SSB: variants seen among roughly 807,000 people sequenced by gnomAD.
SSB encodes the protein small RNA binding exonuclease protection factor La.
SSB carries 17 observed loss-of-function variants against 52.9 expected under a neutral mutation model. The observed-to-expected ratio is 0.32, with a 90% CI of 0.22 to 0.48. The LOEUF is 0.48. Ranked by LOEUF, SSB falls within the 20% of genes least tolerant of loss-of-function variation. The pLI is 0.99. For synonymous variants in SSB, 111 were observed against 152.1 expected (o/e 0.73, Z 1.99); for missense variants, 314 against 463.6 (o/e 0.68, Z 2.96).
At chr2:169,805,598 A>C in intron 3 of SSB, 21 bp downstream of exon 3, 1 of 1,612,522 alleles carries the variant, frequency 6.2e-7, no homozygotes, top group Non-Finnish European at 8.5e-7. Context: ...TTTAAAAATA[A>C]TCTTTAGGTT....
rs141623414 is a variant in SSB at position 169,805,734 on chromosome 2, G to C, written c.240G>C (p.Met80Ile). The change falls in exon 4 of 12, where the codon ATG becomes ATC. Residue 80 changes from methionine (M) to isoleucine (I), a missense_variant. Met to Ile is a conservative substitution (Grantham distance 10). Coordinates refer to ENST00000260956, the MANE Select transcript of SSB (RefSeq NM_003142.5). The stretch of plus-strand genomic sequence containing the variant: ...TGAGCAAATCCAAGGCAGAACTCAT[G>C]GAAATCAGTGAAGATAAAACTAAAA... ...EALSKSKAEL[M>I]EISEDKTKIR... The C allele has an allele frequency of 3.5e-5, 56 of 1,613,934 alleles. No homozygotes were observed. Among genetic ancestry groups the C allele is most frequent in the Non-Finnish European group, 4.3e-5 (51 of 1,180,020 alleles).
chr2:169,809,084 C>G, intron 8 of SSB, 182 bp downstream of exon 8: 1 of 637,334 alleles, frequency 1.6e-6, no homozygotes, highest in Non-Finnish European at 2.9e-6. Context: ...GAAATATGTT[C>G]TAAAATATGG....
Position 169,810,202 on chromosome 2 carries a change from A to G in SSB, c.670-81A>G, listed in dbSNP as rs573601694. The G allele has an allele frequency of 8.2e-6, 8 of 975,100 alleles. No individual in the cohort carries two copies. The East Asian group carries it at 2.4e-4, about 29-fold the overall frequency. 60.4% of individuals were successfully genotyped at this position (975,100 alleles called of 1,614,324 possible). On this transcript the variant is annotated intron_variant, in intron 8 of 11. Transcript: ENST00000260956. ...TTTTGGTTTCTAGTCTTTTTCTTGT[A>G]TAGCTATAAGGTGGTGTGAGTCATT... is the stretch of plus-strand genomic sequence containing the variant.
chr2:169,810,234 CTGT>C (rs769871762), intron 8 of SSB, 46 bp from the exon 9 acceptor site: 1 of 1,459,992 alleles, frequency 6.8e-7, no homozygotes, highest in Non-Finnish European at 9.3e-7. Context: ...CATTTCTGGT[CTGT>C]TGTTGCTTTT....
chr2:169,810,381 T>C lies in SSB; in HGVS notation c.768T>C (p.His256=). 6.2e-7 allele frequency: 1 copy of C among 1,610,214 alleles called. No homozygotes were observed. Among genetic ancestry groups the C allele is most frequent in the East Asian group, 2.2e-5 (1 of 44,620 alleles). Residue 256 remains histidine, a synonymous_variant, in exon 9 of 12, where the codon CAT becomes CAC. Coordinates refer to ENST00000260956, the MANE Select transcript of SSB (RefSeq NM_003142.5). ...REDLHILFSN[H]GEIKWIDFVR... ...ATTTACACATACTTTTCTCAAATCA[T>C]GGTGAAATAAAATGGATAGACTTCG...
Position 169,811,897 on chromosome 2 carries a change from C to T in SSB, c.*141C>T, listed in dbSNP as rs771196562. On this transcript the variant is annotated 3_prime_UTR_variant, in exon 12 of 12. Transcript: ENST00000260956. ...AAAATTTTTTTGTTGTTTAACTTGT[C>T]TTTTTGTTATGCAAATGAGATTTCT... 6.2e-6 allele frequency: 10 copies of T among 1,600,616 alleles called. No individual in the cohort carries two copies. In the South Asian group the frequency reaches 1.1e-4, roughly 18 times the overall value.
At position 169,811,765 on chromosome 2, in the gene SSB, A is replaced by G; in HGVS notation, c.*9A>G. 6.2e-7 allele frequency: 1 copy of G among 1,612,990 alleles called. No homozygotes were observed. The highest frequency in any genetic ancestry group is 8.5e-7 in the Non-Finnish European group (1 of 1,179,658). On this transcript the variant is annotated 3_prime_UTR_variant, in exon 12 of 12. Transcript: ENST00000260956. ...GTGCTGGAGACCAGTAGTTTAGTAA[A>G]CCAATTTTTTATTCATTTTAAATAG...
intron 1 of SSB, among the ~76,000 whole-genome samples, 182 bp from the exon 2 acceptor site, chr2:169,800,770 C>T (rs1436125282): frequency 1.3e-5 from 2 of 152,034 alleles, no homozygotes; most frequent in Non-Finnish European, 2.9e-5. Context: ...ATTTTTTCAT[C>T]ACTTATTCCA....
At chr2:169,802,719 G>A (rs962063080) in intron 2 of SSB, among the ~76,000 whole-genome samples, 1 of 152,074 alleles carries the variant, frequency 6.6e-6, no homozygotes, top group African/African-American at 2.4e-5. Context: ...CAGCAAAATT[G>A]AGCAGAAGGT....
intron 2 of SSB, among the ~76,000 whole-genome samples, chr2:169,802,339 C>G (rs573449949): frequency 6.6e-6 from 1 of 151,304 alleles, no homozygotes; most frequent in South Asian, 2.1e-4. Context: ...GAAATTATCT[C>G]TAAACTTAGG....
chr2:169,810,243 C>T (rs759295088), intron 8 of SSB, 40 bp from the exon 9 acceptor site: 13 of 1,534,946 alleles, frequency 8.5e-6, no homozygotes, highest in Admixed American at 2.0e-5. Flanking sequence ...TCTGTTGTTG[C>T]TTTTAAGAAA....
rs184028021 is a variant in SSB at position 169,805,355 on chromosome 2, G to T, written c.67-119G>T. ...AAACATTATTGTATATTTGGGGAAA[G>T]TGTTTTGCCTTTTGTAACTTATGTA... On this transcript the variant is annotated intron_variant, in intron 2 of 11. Coordinates refer to ENST00000260956, the MANE Select transcript of SSB (RefSeq NM_003142.5). 8.7e-4 allele frequency: 578 copies of T among 666,718 alleles called. 5 individuals carry two copies. In the East Asian group the frequency reaches 0.015, roughly 17 times the overall value. 41.3% of individuals were successfully genotyped at this position (666,718 alleles called of 1,614,324 possible). A position where few individuals can be genotyped will look rare whatever the true frequency, so the allele number is the denominator to read the frequency against.
chr2:169,810,215 G>GGT (rs1481139688), intron 8 of SSB, 68 bp from the exon 9 acceptor site: 64 of 1,245,496 alleles, frequency 5.1e-5, no homozygotes, highest in African/African-American at 9.2e-5. Context: ...GCTATAAGGT[G>GGT]GTGTGAGTCA....
At chr2:169,808,969 G>A in intron 8 of SSB, 67 bp downstream of exon 8, 1 of 1,343,094 alleles carries the variant, frequency 7.4e-7, no homozygotes, top group Non-Finnish European at 1.1e-6. Flanking sequence ...TTTTAAGTCT[G>A]AGGACTTTTT....
At chr2:169,800,724 T>C (rs1689695646) in intron 1 of SSB, among the ~76,000 whole-genome samples, 1 of 152,120 alleles carries the variant, frequency 6.6e-6, no homozygotes, top group East Asian at 1.9e-4. Context: ...GATGGGGTAG[T>C]GATTTACTGA....
At chr2:169,805,350 G>T in intron 2 of SSB, 124 bp from the exon 3 acceptor site, 2 of 640,284 alleles carry the variant, frequency 3.1e-6, no homozygotes, top group Non-Finnish European at 2.7e-6. Flanking sequence ...GTATATTTGG[G>T]GAAAGTGTTT....
rs566638382 is a variant in SSB, at chr2:169,811,851, A to G, written c.*95A>G. ...GGAAAACCGAATTAGGTCCACTTCAATGTCCACCTGTGAGAAAGGAAAAAT... is the reference window on the plus strand; with the variant it reads ...GGAAAACCGAATTAGGTCCACTTCAGTGTCCACCTGTGAGAAAGGAAAAAT... On this transcript the variant is annotated 3_prime_UTR_variant, in exon 12 of 12. Transcript: ENST00000260956. The G allele has an allele frequency of 1.2e-5, 19 of 1,613,410 alleles. No individual in the cohort carries two copies. Among genetic ancestry groups the G allele is most frequent in the East Asian group, 4.5e-5 (2 of 44,842 alleles).
chr2:169,801,653 C>T lies in SSB; in HGVS notation c.66+627C>T, dbSNP rs531307896. Among the ~76,000 whole-genome samples, 28 of 151,888 alleles carry T rather than the reference C, an allele frequency of 1.8e-4. 1 individual carries two copies. The highest frequency in any genetic ancestry group is 2.1e-4 in the South Asian group (1 of 4,812). ...GGTTCAAATGATTCTCCTGCCTCAG[C>T]CTCCCAAATAGCTGGGACTACAGGA... On this transcript the variant is annotated intron_variant, in intron 2 of 11. Coordinates refer to ENST00000260956, the MANE Select transcript of SSB (RefSeq NM_003142.5).
intron 10 of SSB, 41 bp downstream of exon 10, chr2:169,811,085 A>T: frequency 6.3e-7 from 1 of 1,598,492 alleles, no homozygotes; most frequent in Non-Finnish European, 8.5e-7. Flanking sequence ...TGGTTGTTGA[A>T]CCCATTTACT....
Sources: allele counts gnomAD v4.1 joint callset (sites outside exome capture counted in the v4.1 genomes callset), GRCh38; gene constraint gnomAD v4.1.1; transcripts MANE v1.5; gene names NCBI Gene and HGNC (gene_info 2026-07-23, HGNC 2026-07-21).